The following ADAMTS6 variants were observed in gnomAD, a reference collection of about 807,000 sequenced individuals.
ADAMTS6 encodes A disintegrin and metalloproteinase with thrombospondin motifs 6.
ADAMTS6 carries 23 observed loss-of-function variants against 144.3 expected under a neutral mutation model. The ratio of observed to expected loss-of-function variants is 0.16; its 90% confidence interval spans 0.11 to 0.23. ADAMTS6 has a LOEUF of 0.23. Ranked by LOEUF, ADAMTS6 falls within the 10% of genes least tolerant of loss-of-function variation. ADAMTS6 has a pLI of 1.00. For synonymous variants in ADAMTS6, 444 were observed against 457.5 expected, an observed-to-expected ratio of 0.97 and a Z score of 0.38; for missense variants, 999 against 1,379.6, an observed-to-expected ratio of 0.72 and a Z score of 4.37.
chr5:65,193,629 C>T (rs541893332), intron 21 of ADAMTS6, among the ~76,000 whole-genome samples: 1 of 152,054 alleles, frequency 6.6e-6, no homozygotes, highest in African/African-American at 2.4e-5. Context: ...GACTGTTAAT[C>T]GGAATATAGA....
intron 11 of ADAMTS6, among the ~76,000 whole-genome samples, chr5:65,274,263 T>C (rs1020415377): frequency 1.3e-5 from 2 of 152,092 alleles, no homozygotes; most frequent in African/African-American, 4.8e-5. Context: ...ATAAAGGGTT[T>C]CAACCGCCCC....
At chr5:65,238,617 T>C (rs2112477109) in intron 15 of ADAMTS6, among the ~76,000 whole-genome samples, 1 of 150,186 alleles carries the variant, frequency 6.7e-6, no homozygotes, top group Non-Finnish European at 1.5e-5. Context: ...AAAAAAGGAA[T>C]ATGGGAATTT....
intron 7 of ADAMTS6, among the ~76,000 whole-genome samples, chr5:65,406,742 T>A (rs1254191628): frequency 6.6e-6 from 1 of 152,080 alleles, no homozygotes; most frequent in Non-Finnish European, 1.5e-5. Context: ...TCCTTGTACC[T>A]CTGGTTAGAA....
At chr5:65,425,192 T>G (rs1309427471) in intron 7 of ADAMTS6, among the ~76,000 whole-genome samples, 1 of 152,098 alleles carries the variant, frequency 6.6e-6, no homozygotes, top group Non-Finnish European at 1.5e-5. Flanking sequence ...ATTTAAAAAT[T>G]TCGTATTTTC....
At chr5:65,421,886 T>A (rs1244150748) in intron 7 of ADAMTS6, among the ~76,000 whole-genome samples, 2 of 152,142 alleles carry the variant, frequency 1.3e-5, no homozygotes, top group African/African-American at 4.8e-5. Flanking sequence ...AAAACTCTTA[T>A]GAAAATTGGC....
In ADAMTS6 at chr5:65,437,381, A is replaced by G. The variant is rs1757521239; in HGVS notation, c.1073+14094T>C. On this transcript the variant is annotated intron_variant, in intron 7 of 24. Transcript: ENST00000381055. ...AGTGCTGGGATTACAGGTGTGAGCC[A>G]CCACACTCGGCCCCGGAAACTCCCA... Among the ~76,000 whole-genome samples the G allele has an allele frequency of 2.6e-5, 4 of 152,136 alleles. No individual in the cohort carries two copies. The South Asian group carries it at 8.3e-4, about 32-fold the overall frequency.
intron 9 of ADAMTS6, among the ~76,000 whole-genome samples, chr5:65,305,002 C>T (rs1271196278): frequency 6.6e-6 from 1 of 151,590 alleles, no homozygotes; most frequent in African/African-American, 2.4e-5. Context: ...AGTAGTGTAT[C>T]AATGTCAAAC....
chr5:65,403,471 TC>T (rs893166022), intron 7 of ADAMTS6, among the ~76,000 whole-genome samples: 1 of 152,118 alleles, frequency 6.6e-6, no homozygotes, highest in African/African-American at 2.4e-5. Context: ...TTCTCGATCT[TC>T]CCCTATAAAC....
intron 7 of ADAMTS6, among the ~76,000 whole-genome samples, chr5:65,358,914 C>G (rs74762976): frequency 6.6e-6 from 1 of 151,868 alleles, no homozygotes; most frequent in East Asian, 1.9e-4. Flanking sequence ...ACCTGCAACC[C>G]TAAAACTACT....
intron 7 of ADAMTS6, among the ~76,000 whole-genome samples, chr5:65,414,023 G>A (rs1415318471): frequency 6.6e-6 from 1 of 152,046 alleles, no homozygotes; most frequent in African/African-American, 2.4e-5. Flanking sequence ...CCTTTTCCTA[G>A]GAAGGAAGTC....
At chr5:65,314,049 C>T (rs1744748550) in intron 9 of ADAMTS6, among the ~76,000 whole-genome samples, 1 of 151,940 alleles carries the variant, frequency 6.6e-6, no homozygotes. Flanking sequence ...AAATATGACA[C>T]AGATTTTGGA....
chr5:65,152,474 A>G (rs1752190846), intron 24 of ADAMTS6, among the ~76,000 whole-genome samples: 2 of 152,348 alleles, frequency 1.3e-5, no homozygotes, highest in South Asian at 2.1e-4. Flanking sequence ...TAGATTCAGC[A>G]ACTACACTAG....
chr5:65,248,291 T>C (rs902070149), intron 14 of ADAMTS6, among the ~76,000 whole-genome samples: 1 of 151,938 alleles, frequency 6.6e-6, no homozygotes, highest in African/African-American at 2.4e-5. Flanking sequence ...TAGTTTCTGA[T>C]TTTTTTTCAC....
At chr5:65,289,150 G>A (rs1474634731) in intron 11 of ADAMTS6, among the ~76,000 whole-genome samples, 1 of 152,170 alleles carries the variant, frequency 6.6e-6, no homozygotes, top group Non-Finnish European at 1.5e-5. Context: ...TTAAAACTGT[G>A]TAGGTCTGTA....
chr5:65,336,228 T>C (rs1303530138), intron 7 of ADAMTS6, among the ~76,000 whole-genome samples: 3 of 151,548 alleles, frequency 2.0e-5, no homozygotes, highest in African/African-American at 7.3e-5. Flanking sequence ...GGTGGGAGAG[T>C]AGGGAGAATA....
At chr5:65,308,729 T>C (rs560043134) in intron 9 of ADAMTS6, among the ~76,000 whole-genome samples, 2 of 152,290 alleles carry the variant, frequency 1.3e-5, no homozygotes, top group South Asian at 2.1e-4. Flanking sequence ...TTAGGAATCA[T>C]GTAAATTTCC....
intron 20 of ADAMTS6, chr5:65,209,937 AACAC>A (rs1756382440): frequency 1.3e-5 from 2 of 155,636 alleles, no homozygotes; most frequent in African/African-American, 4.8e-5. Context: ...ATAAATAAAA[AACAC>A]ACACCCAAAT....
chr5:65,411,768 G>A (rs1488275045), intron 7 of ADAMTS6, among the ~76,000 whole-genome samples: 2 of 152,158 alleles, frequency 1.3e-5, no homozygotes, highest in African/African-American at 2.4e-5. Flanking sequence ...ATATTATGTA[G>A]TAACATTTAA....
chr5:65,167,093 A>G (rs1753217190), intron 24 of ADAMTS6, among the ~76,000 whole-genome samples: 2 of 145,290 alleles, frequency 1.4e-5, no homozygotes, highest in Non-Finnish European at 3.0e-5. Flanking sequence ...TGAATCCAGG[A>G]GCTGGTTTTT....
Sources: gnomAD v4.1 joint callset for allele counts (sites outside exome capture counted in the v4.1 genomes callset) on GRCh38, gnomAD v4.1.1 for gene constraint, MANE v1.5 for transcripts, NCBI Gene and HGNC (gene_info 2026-07-23, HGNC 2026-07-21) for gene names.